KSR2: variants seen among roughly 807,000 people sequenced by gnomAD.
KSR2 encodes the protein kinase suppressor of ras 2.
Under a neutral mutation model 107.8 loss-of-function variants are expected in KSR2, and 25 were observed. That is an observed-to-expected ratio of 0.23 (90% CI 0.17 to 0.32). KSR2 has a LOEUF of 0.32. Ranked by LOEUF, KSR2 falls within the 10% of genes least tolerant of loss-of-function variation. The pLI is 1.00. For synonymous variants in KSR2, 480 were observed against 507.0 expected, an observed-to-expected ratio of 0.95 and a Z score of 0.71; for missense variants, 887 against 1,268.9, an observed-to-expected ratio of 0.70 and a Z score of 4.57.
intron 14 of KSR2, among the ~76,000 whole-genome samples, chr12:117,500,402 G>T (rs1873308552): frequency 6.6e-6 from 1 of 152,152 alleles, no homozygotes; most frequent in African/African-American, 2.4e-5. Flanking sequence ...GGACTCTGCT[G>T]AAGGTTTTAC....
At chr12:117,533,269 G>A (rs1875791073) in intron 10 of KSR2, among the ~76,000 whole-genome samples, 1 of 152,238 alleles carries the variant, frequency 6.6e-6, no homozygotes, top group South Asian at 2.1e-4. Flanking sequence ...CACTCTCCCT[G>A]AGGTTGAAAT....
intron 1 of KSR2, among the ~76,000 whole-genome samples, chr12:117,920,395 C>CT (rs138819853): frequency 0.12 from 17,186 of 141,788 alleles, 1,506 homozygotes; most frequent in East Asian, 0.44. Context: ...CCACTGTGGT[C>CT]TTTTTTTTTT....
chr12:117,617,199 A>G (rs1409473746), intron 5 of KSR2, among the ~76,000 whole-genome samples: 2 of 152,096 alleles, frequency 1.3e-5, no homozygotes, highest in Non-Finnish European at 2.9e-5. Flanking sequence ...GACCTTTTCA[A>G]TGGGTCCTAT....
At chr12:117,966,389 C>T (rs1896785887) in intron 1 of KSR2, among the ~76,000 whole-genome samples, 1 of 152,032 alleles carries the variant, frequency 6.6e-6, no homozygotes, top group African/African-American at 2.4e-5. Context: ...AAGGCTGGAT[C>T]AGAACATCCC....
At chr12:117,937,136 G>A (rs1376950227) in intron 1 of KSR2, among the ~76,000 whole-genome samples, 2 of 152,176 alleles carry the variant, frequency 1.3e-5, no homozygotes, top group African/African-American at 4.8e-5. Context: ...AATAGTAGCG[G>A]GGGAAAGTTC....
intron 3 of KSR2, among the ~76,000 whole-genome samples, chr12:117,777,155 A>G (rs554343263): frequency 3.6e-5 from 5 of 139,472 alleles, no homozygotes; most frequent in Non-Finnish European, 7.5e-5. Context: ...ATATATATAT[A>G]CACACCATAC....
At chr12:117,519,276 G>A (rs1381001147) in intron 14 of KSR2, among the ~76,000 whole-genome samples, 3 of 152,140 alleles carry the variant, frequency 2.0e-5, no homozygotes, top group Non-Finnish European at 4.4e-5. Context: ...AGGTGTGCCC[G>A]AAGCTCTTGG....
intron 5 of KSR2, among the ~76,000 whole-genome samples, chr12:117,658,661 A>T (rs2136458135): frequency 6.6e-6 from 1 of 152,332 alleles, no homozygotes; most frequent in East Asian, 1.9e-4. Context: ...AAGATAGGGC[A>T]TCATGGAAAA....
At chr12:117,578,409 C>T (rs1360404468) in intron 7 of KSR2, among the ~76,000 whole-genome samples, 1 of 152,004 alleles carries the variant, frequency 6.6e-6, no homozygotes, top group African/African-American at 2.4e-5. Context: ...GCCTGGCCAA[C>T]ATGGTAAATC....
intron 4 of KSR2, among the ~76,000 whole-genome samples, chr12:117,755,592 C>T (rs11068674): frequency 0.36 from 54,729 of 151,984 alleles, 10,342 homozygotes; most frequent in African/African-American, 0.47. Flanking sequence ...CTCTCCTTTT[C>T]CTGGGCCTCC....
At chr12:117,855,043 G>A (rs1011008785) in intron 3 of KSR2, among the ~76,000 whole-genome samples, 7 of 137,626 alleles carry the variant, frequency 5.1e-5, no homozygotes. Context: ...TACAATTAAT[G>A]CAAATTACTT....
intron 2 of KSR2, among the ~76,000 whole-genome samples, chr12:117,858,982 C>T (rs1893190127): frequency 6.6e-6 from 1 of 152,090 alleles, no homozygotes; most frequent in South Asian, 2.1e-4. Context: ...GCAAATGAGT[C>T]GGTCTCTGGG....
intron 1 of KSR2, among the ~76,000 whole-genome samples, chr12:117,876,973 C>T (rs1893874165): frequency 6.6e-6 from 1 of 151,984 alleles, no homozygotes; most frequent in Non-Finnish European, 1.5e-5. Context: ...ATACACATAA[C>T]CTGGAGGTAA....
intron 4 of KSR2, among the ~76,000 whole-genome samples, chr12:117,694,845 C>CT (rs34228762): frequency 0.5 from 49,204 of 97,892 alleles, 12,691 homozygotes; most frequent in South Asian, 0.62. Context: ...TTGTATGATT[C>CT]TTTTTTTTTT....
chr12:117,867,199 C>A (rs1373089471), intron 1 of KSR2, among the ~76,000 whole-genome samples: 1 of 151,930 alleles, frequency 6.6e-6, no homozygotes, highest in African/African-American at 2.4e-5. Context: ...GCCTGTGGTC[C>A]CAGATACTCA....
At chr12:117,570,290 T>G (rs1878796922) in intron 7 of KSR2, among the ~76,000 whole-genome samples, 1 of 151,986 alleles carries the variant, frequency 6.6e-6, no homozygotes, top group Admixed American at 6.6e-5. Context: ...GCTTGAGCCA[T>G]CTGCAGACGT....
At chr12:117,696,687 A>C (rs1886072948) in intron 4 of KSR2, among the ~76,000 whole-genome samples, 1 of 152,176 alleles carries the variant, frequency 6.6e-6, no homozygotes, top group Admixed American at 6.5e-5. Context: ...TTTCAGCCCA[A>C]ATCTACCTTA....
rs35096843 is a variant in KSR2, at chr12:117,678,102, ATTTT to A, written c.987-10448_987-10445del. 2.5e-3 allele frequency among the ~76,000 whole-genome samples: 325 copies of A among 127,514 alleles called. 5 individuals carry two copies. The highest frequency in any genetic ancestry group is 8.8e-3 in the African/African-American group (304 of 34,602). The allele number at this position is 127,514 out of a possible 152,430, so 83.7% of individuals were successfully genotyped here. On this transcript the variant is annotated intron_variant, in intron 4 of 19. Coordinates refer to ENST00000339824, the MANE Select transcript of KSR2 (RefSeq NM_173598.6). ...GGCATGTGCCACCAAAGCCCAGCTA[ATTTT>A]TTTTTTTTTTTTTTTTGTATTTTTA... is the stretch of plus-strand genomic sequence containing the variant.
In KSR2 at chr12:117,457,731, G is replaced by A. The variant is rs933111332; in HGVS notation, c.*9468C>T. On this transcript the variant is annotated 3_prime_UTR_variant, in exon 20 of 20. Coordinates refer to ENST00000339824, the MANE Select transcript of KSR2 (RefSeq NM_173598.6). The stretch of plus-strand genomic sequence containing the variant: ...CCAGGTGCTACTGGTATCTTGTGGG[G>A]AGAGTTGAGGAAGCTGCTTAACATC... 3.9e-5 allele frequency: 6 copies of A among 152,230 alleles called. No individual in the cohort carries two copies. The highest frequency in any genetic ancestry group is 9.6e-5 in the African/African-American group (4 of 41,462). 9.4% of individuals were successfully genotyped at this position (152,230 alleles called of 1,614,324 possible). A position where few individuals can be genotyped will look rare whatever the true frequency, so the allele number is the denominator to read the frequency against.
Sources: allele counts gnomAD v4.1 joint callset (sites outside exome capture counted in the v4.1 genomes callset), GRCh38; gene constraint gnomAD v4.1.1; transcripts MANE v1.5; gene names NCBI Gene and HGNC (gene_info 2026-07-23, HGNC 2026-07-21).